GPC6: variants seen among roughly 807,000 people sequenced by gnomAD.
GPC6 encodes glypican-6.
In GPC6, 14 loss-of-function variants were observed where a neutral mutation model predicts 55.2. The observed-to-expected ratio is 0.25, with a 90% CI of 0.17 to 0.40. GPC6 has a LOEUF of 0.40. Ranked by LOEUF, GPC6 falls within the 10% of genes least tolerant of loss-of-function variation. The pLI is 1.00. For missense variants in GPC6, 641 were observed against 708.5 expected, an observed-to-expected ratio of 0.90 and a Z score of 1.08; for synonymous variants, 278 against 259.6, an observed-to-expected ratio of 1.07 and a Z score of -0.68.
chr13:93,781,730 A>G (rs948980909), intron 2 of GPC6, among the ~76,000 whole-genome samples: 3 of 152,214 alleles, frequency 2.0e-5, no homozygotes, highest in African/African-American at 7.2e-5. Flanking sequence ...GGGCTAATAG[A>G]TAAAGAAAAT....
In GPC6 at chr13:93,545,522, A is replaced by G. The variant is rs1036058575; in HGVS notation, c.319+101A>G. The G allele has an allele frequency of 5.8e-5, 55 of 951,592 alleles. No homozygotes were observed. The African/African-American group carries it at 7.6e-4, about 13-fold the overall frequency. 58.9% of individuals were successfully genotyped at this position (951,592 alleles called of 1,614,324 possible). A position where few individuals can be genotyped will look rare whatever the true frequency, so the allele number is the denominator to read the frequency against. The stretch of plus-strand genomic sequence containing the variant: ...ATTTTTTTAAAAAGGGAGCTTTTCT[A>G]TCCCTCTTAAATATTTATAGCATTG... On this transcript the variant is annotated intron_variant, in intron 2 of 8. Transcript: ENST00000377047.
intron 2 of GPC6, among the ~76,000 whole-genome samples, chr13:93,686,097 A>G (rs537396240): frequency 6.6e-6 from 1 of 152,126 alleles, no homozygotes; most frequent in Non-Finnish European, 1.5e-5. Context: ...AGCAGTTTTG[A>G]TAAGTCAGCA....
chr13:93,267,300 C>A (rs975088252), intron 1 of GPC6, among the ~76,000 whole-genome samples: 2 of 151,952 alleles, frequency 1.3e-5, no homozygotes, highest in Admixed American at 6.6e-5. Flanking sequence ...TAATGTAGAT[C>A]TTCCAAAAAG....
chr13:94,070,886 G>T (rs569060966), intron 4 of GPC6, among the ~76,000 whole-genome samples: 87 of 152,264 alleles, frequency 5.7e-4, no homozygotes, highest in Middle Eastern at 3.4e-3. Context: ...AGACATCACT[G>T]AGCAATTATA....
At chr13:93,678,464 A>C (rs949565393) in intron 2 of GPC6, among the ~76,000 whole-genome samples, 2 of 152,178 alleles carry the variant, frequency 1.3e-5, no homozygotes, top group Non-Finnish European at 2.9e-5. Flanking sequence ...TTGTGAAATA[A>C]TCTTAGCATG....
At chr13:93,534,198 A>G (rs1395947025) in intron 1 of GPC6, among the ~76,000 whole-genome samples, 2 of 152,200 alleles carry the variant, frequency 1.3e-5, no homozygotes, top group African/African-American at 4.8e-5. Flanking sequence ...AAACTCAAGA[A>G]AAAGAAATAT....
rs750454978 is a variant in GPC6 at position 94,403,084 on chromosome 13, T to G, written c.1535T>G (p.Phe512Cys). ...MDDVCPTEFE[F>C]VTTEAPAVDP... ...GACGTGTGTCCCACGGAGTTTGAGT[T>G]TGTCACCACAGAGGCCCCCGCAGTG... The change falls in exon 9 of 9, where the codon TTT (phenylalanine) becomes TGT (cysteine). Residue 512 changes from phenylalanine to cysteine, a missense_variant. Coordinates refer to ENST00000377047, the MANE Select transcript of GPC6 (RefSeq NM_005708.5). The G allele has an allele frequency of 6.2e-7, 1 of 1,613,920 alleles. No homozygotes were observed. The highest frequency in any genetic ancestry group is 8.5e-7 in the Non-Finnish European group (1 of 1,179,812).
At chr13:94,081,850 T>A (rs1885108435) in intron 4 of GPC6, among the ~76,000 whole-genome samples, 1 of 150,004 alleles carries the variant, frequency 6.7e-6, no homozygotes, top group Admixed American at 6.6e-5. Flanking sequence ...TTTCCTTTTT[T>A]TTTTTTTTGA....
intron 3 of GPC6, among the ~76,000 whole-genome samples, chr13:93,846,707 G>A (rs562284229): frequency 4.6e-5 from 7 of 152,172 alleles, no homozygotes; most frequent in South Asian, 2.1e-4. Context: ...CCAGCTACTC[G>A]GGAGACTGAG....
At chr13:94,297,477 G>A (rs923151182) in intron 5 of GPC6, among the ~76,000 whole-genome samples, 1 of 152,110 alleles carries the variant, frequency 6.6e-6, no homozygotes, top group Non-Finnish European at 1.5e-5. Flanking sequence ...AATTTGCTTT[G>A]TAAAGTTCCT....
intron 1 of GPC6, among the ~76,000 whole-genome samples, chr13:93,497,710 C>G (rs188568754): frequency 2.6e-5 from 4 of 152,314 alleles, no homozygotes; most frequent in Admixed American, 6.5e-5. Flanking sequence ...AGTTGAGAAA[C>G]AGAACTGGCA....
rs1005598199 is a variant in GPC6, at chr13:94,225,670, C to T, written c.878-60679C>T. On this transcript the variant is annotated intron_variant, in intron 4 of 8. Transcript: ENST00000377047. ...TATATGTGTGTGTGTAAAGTATACACATATATATATATATATATAAACTGT... is the reference window on the plus strand; with the variant it reads ...TATATGTGTGTGTGTAAAGTATACATATATATATATATATATATAAACTGT... Among the ~76,000 whole-genome samples, 622 of 147,150 alleles carry T rather than the reference C, an allele frequency of 4.2e-3. 5 individuals are homozygous for T. Among genetic ancestry groups the T allele is most frequent in the African/African-American group, 0.015 (593 of 39,790 alleles).
chr13:94,096,569 G>A (rs1278398519), intron 4 of GPC6, among the ~76,000 whole-genome samples: 1 of 152,078 alleles, frequency 6.6e-6, no homozygotes, highest in Non-Finnish European at 1.5e-5. Context: ...GATGAGAAAT[G>A]AGACTGAGAG....
chr13:93,924,696 C>CTTTTTTTTTT (rs10710851), intron 3 of GPC6, among the ~76,000 whole-genome samples: 1 of 128,568 alleles, frequency 7.8e-6, no homozygotes, highest in Non-Finnish European at 1.7e-5. Context: ...TCTTTCTTTT[C>CTTTTTTTTTT]TTTTTTTTTT....
chr13:93,947,487 G>GCAATTGC, intron 3 of GPC6, among the ~76,000 whole-genome samples: 1 of 152,158 alleles, frequency 6.6e-6, no homozygotes, highest in Non-Finnish European at 1.5e-5. Flanking sequence ...TTGATGGATA[G>GCAATTGC]ATACGCAATA....
At chr13:94,251,066 A>G (rs189496156) in intron 4 of GPC6, among the ~76,000 whole-genome samples, 4 of 152,236 alleles carry the variant, frequency 2.6e-5, no homozygotes, top group African/African-American at 9.6e-5. Context: ...CCAAATGCCC[A>G]TCAATGATAC....
chr13:93,229,183 CCTT>C (rs1875924373), intron 1 of GPC6, among the ~76,000 whole-genome samples: 1 of 152,256 alleles, frequency 6.6e-6, no homozygotes, highest in South Asian at 2.1e-4. Flanking sequence ...TCTTAACTCT[CCTT>C]CTCCTTTGTC....
intron 1 of GPC6, chr13:93,394,884 C>A (rs1875783240): frequency 6.5e-6 from 1 of 154,876 alleles, no homozygotes; most frequent in African/African-American, 2.4e-5. Context: ...ACAGCAAGGG[C>A]ACAAAAAAAT....
chr13:93,493,486 T>G (rs1434479589), intron 1 of GPC6, among the ~76,000 whole-genome samples: 3 of 112,548 alleles, frequency 2.7e-5, no homozygotes, highest in African/African-American at 9.8e-5. Context: ...CCTGGATTCC[T>G]TGATTTTTTG....
Sources: gnomAD v4.1 joint callset for allele counts (sites outside exome capture counted in the v4.1 genomes callset) on GRCh38, gnomAD v4.1.1 for gene constraint, MANE v1.5 for transcripts, NCBI Gene and HGNC (gene_info 2026-07-23, HGNC 2026-07-21) for gene names.